Variants in UBASH3A observed in about 807,000 individuals in gnomAD.
The protein encoded by UBASH3A is ubiquitin-associated and SH3 domain-containing protein A.
A neutral mutation model predicts 73.5 loss-of-function variants in UBASH3A; 63 were observed. The ratio of observed to expected loss-of-function variants is 0.86; its 90% CI spans 0.70 to 1.06. The LOEUF is 1.06. Ranked by LOEUF, UBASH3A falls within the 50% of genes least tolerant of loss-of-function variation. UBASH3A has a pLI of 0.00. For missense variants in UBASH3A, 860 were observed against 859.0 expected (o/e 1.00, Z -0.02); for synonymous variants, 363 against 351.1 (o/e 1.03, Z -0.38).
intron 8 of UBASH3A, among the ~76,000 whole-genome samples, chr21:42,431,684 A>C (rs1212881323): frequency 4.6e-5 from 7 of 152,224 alleles, no homozygotes; most frequent in African/African-American, 1.7e-4. Context: ...GGTTTCTCAG[A>C]AGAAGTGTGC....
chr21:42,426,823 A>G lies in UBASH3A; in HGVS notation c.1170+3A>G, dbSNP rs1420346123. ...TTAGCAGCTTACAGGCCTTGCAGGT[A>G]ATAGAACATTCCCTTTTTTCTTTTA... On this transcript the variant is annotated splice_donor_region_variant and intron_variant, in intron 8 of 14. Transcript: ENST00000319294. 19 of 1,612,838 alleles carry G rather than the reference A, an allele frequency of 1.2e-5. No individual in the cohort carries two copies. Among genetic ancestry groups the G allele is most frequent in the Non-Finnish European group, 1.6e-5 (19 of 1,179,494 alleles).
At chr21:42,433,800 C>G (rs1394427175) in intron 9 of UBASH3A, among the ~76,000 whole-genome samples, 1 of 151,934 alleles carries the variant, frequency 6.6e-6, no homozygotes, top group Non-Finnish European at 1.5e-5. Context: ...GAAAAATTGC[C>G]CCCCGCTGAC....
intron 1 of UBASH3A, 121 bp from the exon 2 acceptor site, chr21:42,406,187 A>G: frequency 2.5e-6 from 2 of 814,106 alleles, no homozygotes; most frequent in Non-Finnish European, 4.3e-6. Context: ...GAAGTTCAGC[A>G]TCAGGCCCTC....
chr21:42,404,468 C>A (rs1329647937), intron 1 of UBASH3A, among the ~76,000 whole-genome samples: 2 of 152,090 alleles, frequency 1.3e-5, no homozygotes, highest in East Asian at 3.9e-4. Flanking sequence ...CCCTGATATT[C>A]TTGACCTTTT....
Position 42,447,046 on chromosome 21 carries a change from C to T in UBASH3A, c.1849-11C>T, listed in dbSNP as rs2053855211. On this transcript the variant is annotated splice_polypyrimidine_tract_variant and intron_variant, in intron 14 of 14. Transcript: ENST00000319294. ...TAAGATATTAACAAGTGATTTAAAA[C>T]TCTGTTCCAGATCCCTTCCCTGGGC... The T allele has an allele frequency of 5.6e-6, 9 of 1,608,068 alleles. No individual in the cohort carries two copies. The highest frequency in any genetic ancestry group is 2.2e-5 in the East Asian group (1 of 44,814).
intron 2 of UBASH3A, among the ~76,000 whole-genome samples, chr21:42,408,905 A>AAATAT (rs1258743477): frequency 4.2e-4 from 51 of 122,798 alleles, no homozygotes; most frequent in Admixed American, 1.7e-3. Flanking sequence ...AAATAAAATA[A>AAATAT]AATAAAATAA....
chr21:42,429,370 C>A (rs942321636), intron 8 of UBASH3A, among the ~76,000 whole-genome samples: 1 of 152,210 alleles, frequency 6.6e-6, no homozygotes, highest in African/African-American at 2.4e-5. Context: ...CTGCCTCATT[C>A]CATAGATCCC....
At chr21:42,419,980 T>G (rs77546520) in intron 7 of UBASH3A, among the ~76,000 whole-genome samples, 23,441 of 152,218 alleles carry the variant, frequency 0.15, 2,365 homozygotes, top group Middle Eastern at 0.24. Flanking sequence ...GCATTTTCAA[T>G]TTATGATGGG....
At chr21:42,433,050 G>A (rs1601592743) in intron 9 of UBASH3A, among the ~76,000 whole-genome samples, 1 of 152,066 alleles carries the variant, frequency 6.6e-6, no homozygotes, top group African/African-American at 2.4e-5. Context: ...CCATGGTGGG[G>A]AGAACCAATA....
At chr21:42,432,018 G>A (rs2053540319) in intron 8 of UBASH3A, 85 bp from the exon 9 acceptor site, 2 of 767,128 alleles carry the variant, frequency 2.6e-6, no homozygotes, top group African/African-American at 1.7e-5. Flanking sequence ...GCAGTTGCTG[G>A]GTGACTGGGA....
At chr21:42,438,927 G>T (rs1270604127) in intron 11 of UBASH3A, among the ~76,000 whole-genome samples, 1 of 152,074 alleles carries the variant, frequency 6.6e-6, no homozygotes, top group Non-Finnish European at 1.5e-5. Flanking sequence ...GTCTTGCTGG[G>T]ACTTGCACAT....
intron 14 of UBASH3A, among the ~76,000 whole-genome samples, chr21:42,445,470 T>C (rs898221918): frequency 1.4e-4 from 22 of 152,128 alleles, no homozygotes; most frequent in African/African-American, 5.3e-4. Flanking sequence ...TTGCCATAAG[T>C]TGTGGGCAGC....
intron 8 of UBASH3A, among the ~76,000 whole-genome samples, chr21:42,429,624 G>T (rs570340276): frequency 2.6e-4 from 39 of 152,108 alleles, no homozygotes; most frequent in Non-Finnish European, 4.6e-4. Context: ...AGCTCTCTAG[G>T]ATGTTTTAAT....
intron 9 of UBASH3A, among the ~76,000 whole-genome samples, chr21:42,433,233 G>A (rs972826125): frequency 3.9e-5 from 6 of 152,192 alleles, no homozygotes; most frequent in Admixed American, 3.9e-4. Context: ...AGAGGCCCTT[G>A]ATAAAGTGAA....
chr21:42,406,482 A>G, intron 2 of UBASH3A, 121 bp downstream of exon 2: 1 of 784,506 alleles, frequency 1.3e-6, no homozygotes, highest in South Asian at 1.5e-5. Flanking sequence ...GGATGGGGCC[A>G]CTGCGGAAGT....
intron 7 of UBASH3A, among the ~76,000 whole-genome samples, chr21:42,419,526 T>G (rs776180507): frequency 2.0e-5 from 3 of 152,236 alleles, no homozygotes; most frequent in Non-Finnish European, 4.4e-5. Flanking sequence ...CTGGAACACC[T>G]GTCACATTCC....
chr21:42,409,584 C>A lies in UBASH3A; in HGVS notation c.330C>A (p.His110Gln), dbSNP rs192044505. The A allele has an allele frequency of 2.9e-5, 46 of 1,612,302 alleles. No individual in the cohort carries two copies. The highest frequency in any genetic ancestry group is 5.1e-6 in the Non-Finnish European group (6 of 1,179,388). The change falls in exon 3 of 15, where the codon CAC (histidine) becomes CAA (glutamine). Residue 110 changes from histidine to glutamine, a missense_variant. Physicochemically the swap from His to Gln is conservative, Grantham distance 24. Coordinates refer to ENST00000319294, the MANE Select transcript of UBASH3A (RefSeq NM_018961.4). ...AKNRAHEVFP[H>Q]VTLCDFFTCE... Reference sequence around the variant, plus strand: ...ACAGAGCTCATGAGGTCTTCCCACACGTGACACTCTGTGACTTCTTCACGG... The same window carrying A: ...ACAGAGCTCATGAGGTCTTCCCACAAGTGACACTCTGTGACTTCTTCACGG...
In UBASH3A at chr21:42,422,445, A is replaced by C. The variant is rs376704037; in HGVS notation, c.1046+3836A>C. Among the ~76,000 whole-genome samples, 3 of 152,240 alleles carry C rather than the reference A, an allele frequency of 2.0e-5. 1 individual carries two copies. Among genetic ancestry groups the C allele is most frequent in the East Asian group, 1.9e-4 (1 of 5,186 alleles). On this transcript the variant is annotated intron_variant, in intron 7 of 14. Coordinates refer to ENST00000319294, the MANE Select transcript of UBASH3A (RefSeq NM_018961.4). ...ACCCCCTGGATAGGCACTTTTATTG[A>C]TCCATTTTATAGTTGATGAAACTGA...
chr21:42,424,264 G>T (rs192744102), intron 7 of UBASH3A, among the ~76,000 whole-genome samples: 15 of 152,192 alleles, frequency 9.9e-5, no homozygotes, highest in African/African-American at 3.4e-4. Flanking sequence ...CCCCCTGCCC[G>T]CCACAGAGGG....
Sources: allele counts gnomAD v4.1 joint callset (sites outside exome capture counted in the v4.1 genomes callset), GRCh38; gene constraint gnomAD v4.1.1; transcripts MANE v1.5; gene names NCBI Gene and HGNC (gene_info 2026-07-23, HGNC 2026-07-21).